Variants in PSMD12 observed in about 807,000 individuals in gnomAD.
The protein encoded by PSMD12 is 26S proteasome non-ATPase regulatory subunit 12.
PSMD12 carries 8 observed loss-of-function variants against 62.9 expected under a neutral mutation model. That is an observed-to-expected ratio of 0.13 (90% CI 0.07 to 0.23). PSMD12 has a LOEUF of 0.23. PSMD12 is among the 10% of genes least tolerant of loss of function. PSMD12 has a pLI of 1.00. For synonymous variants in PSMD12, 173 were observed against 187.4 expected, an observed-to-expected ratio of 0.92 and a Z score of 0.63; for missense variants, 424 against 550.2, an observed-to-expected ratio of 0.77 and a Z score of 2.29.
At chr17:67,347,555 G>A in intron 5 of PSMD12, 70 bp from the exon 6 acceptor site, 2 of 1,410,312 alleles carry the variant, frequency 1.4e-6, no homozygotes, top group Non-Finnish European at 1.9e-6. Context: ...AAATGAAATA[G>A]ATATTAAAAT....
At chr17:67,346,239 C>CA (rs2041964656) in intron 7 of PSMD12, among the ~76,000 whole-genome samples, 1 of 151,384 alleles carries the variant, frequency 6.6e-6, no homozygotes, top group African/African-American at 2.4e-5. Context: ...CTAAAAAATA[C>CA]AAAAAATTGG....
chr17:67,352,254 A>C (rs2042025715), intron 3 of PSMD12, among the ~76,000 whole-genome samples: 1 of 152,030 alleles, frequency 6.6e-6, no homozygotes, highest in African/African-American at 2.4e-5. Flanking sequence ...CACCACACTC[A>C]GCTAATATTT....
At chr17:67,348,239 C>T (rs1339157495) in intron 5 of PSMD12, among the ~76,000 whole-genome samples, 1 of 152,170 alleles carries the variant, frequency 6.6e-6, no homozygotes, top group Non-Finnish European at 1.5e-5. Flanking sequence ...TGCATTCTCA[C>T]CAGTAAGGTA....
chr17:67,347,147 C>T lies in PSMD12; in HGVS notation c.764G>A (p.Cys255Tyr). 6.2e-7 allele frequency: 1 copy of T among 1,611,882 alleles called. No individual in the cohort carries two copies. Among genetic ancestry groups the T allele is most frequent in the South Asian group, 1.1e-5 (1 of 90,910 alleles). ...CCATTTTTCACTTTCTGCCTGTATA[C>T]AGGGAGTATCATATATTGCTCTGTA... ...KHYRAIYDTP[C>Y]IQAESEKWQQ... Residue 255 changes from cysteine (C) to tyrosine (Y), a missense_variant, in exon 7 of 11, where the codon TGT (cysteine) becomes TAT (tyrosine). By Grantham distance (194) the Cys-to-Tyr change is radical. Transcript: ENST00000356126.
rs1397693663 is a variant in PSMD12 at position 67,339,116 on chromosome 17, T to TG, written c.*1726_*1727insC. ...GTTTCTGAACTTTCCAGTTTTGTTT[T>TG]TTTTTTTTTGAGACGGAGTCTCACT... is the stretch of plus-strand genomic sequence containing the variant. On this transcript the variant is annotated 3_prime_UTR_variant, in exon 11 of 11. Transcript: ENST00000356126. The TG allele has an allele frequency of 1.3e-5, 2 of 152,124 alleles. No homozygotes were observed. Among genetic ancestry groups the TG allele is most frequent in the African/African-American group, 4.8e-5 (2 of 41,420 alleles). The allele number at this position is 152,124 out of a possible 1,614,324, so 9.4% of individuals were successfully genotyped here.
chr17:67,364,421 G>T (rs1324609747), intron 1 of PSMD12, among the ~76,000 whole-genome samples: 1 of 152,222 alleles, frequency 6.6e-6, no homozygotes, highest in Non-Finnish European at 1.5e-5. Flanking sequence ...CAGAACAACT[G>T]TAGCAGTGAA....
At chr17:67,346,646 T>C (rs1309848539) in intron 7 of PSMD12, among the ~76,000 whole-genome samples, 3 of 152,196 alleles carry the variant, frequency 2.0e-5, no homozygotes, top group African/African-American at 7.2e-5. Flanking sequence ...TCATAGTGTC[T>C]TTCTATAGTA....
At chr17:67,354,449 C>G (rs887738075) in intron 3 of PSMD12, among the ~76,000 whole-genome samples, 5 of 151,952 alleles carry the variant, frequency 3.3e-5, no homozygotes, top group African/African-American at 1.2e-4. Context: ...AGCAACACCC[C>G]CTACTAGCTC....
Position 67,342,280 on chromosome 17 carries a change from G to C in PSMD12, c.1084-17C>G, listed in dbSNP as rs765385761. ...TCTAATATTCTGGGGAGAGGATAGA[G>C]AGCAGGGAGAACACGTAACATTTGT... On this transcript the variant is annotated splice_polypyrimidine_tract_variant and intron_variant, in intron 9 of 10. Transcript: ENST00000356126. 13 of 1,481,802 alleles carry C rather than the reference G, an allele frequency of 8.8e-6. No individual in the cohort carries two copies. In the African/African-American group the frequency reaches 1.7e-4, roughly 19 times the overall value. 91.8% of individuals were successfully genotyped at this position (1,481,802 alleles called of 1,614,324 possible).
At position 67,347,170 on chromosome 17, in the gene PSMD12, G is replaced by A; in HGVS notation, c.741C>T (p.Tyr247=). The A allele has an allele frequency of 6.2e-7, 1 of 1,613,436 alleles. No homozygotes were observed. Among genetic ancestry groups the A allele is most frequent in the Non-Finnish European group, 8.5e-7 (1 of 1,179,588 alleles). ...EGSYLSICKH[Y]RAIYDTPCIQ... is the part of the protein sequence containing the mutation. The stretch of plus-strand genomic sequence containing the variant: ...TACAGGGAGTATCATATATTGCTCT[G>A]TAGTGCTTACAAATAGACAAATAGG... The change falls in exon 7 of 11, where the codon TAC becomes TAT. Residue 247 remains tyrosine, a synonymous_variant. Transcript: ENST00000356126.
intron 1 of PSMD12, among the ~76,000 whole-genome samples, chr17:67,363,766 G>C (rs561688627): frequency 6.6e-6 from 1 of 152,162 alleles, no homozygotes; most frequent in African/African-American, 2.4e-5. Context: ...AAAATAAAAA[G>C]CAGCTGGGCA....
At chr17:67,351,786 CTTT>C (rs539634008) in intron 3 of PSMD12, among the ~76,000 whole-genome samples, 1 of 143,978 alleles carries the variant, frequency 6.9e-6, no homozygotes. Flanking sequence ...TTATTTCCAC[CTTT>C]TTTTTTTTTT....
intron 3 of PSMD12, among the ~76,000 whole-genome samples, chr17:67,356,047 CT>C (rs2042068037): frequency 6.6e-6 from 1 of 151,838 alleles, no homozygotes; most frequent in Middle Eastern, 3.2e-3. Context: ...ACAGTACATT[CT>C]TTTGGCAGAC....
At position 67,350,259 on chromosome 17, in the gene PSMD12, A is replaced by C; in HGVS notation, c.375T>G (p.Ile125Met). ...CTTCGGTAACCATTCGTAGAGTATCAATTAATCGAAGTTTGATAGGAAGGT... is the reference window on the plus strand; with the variant it reads ...CTTCGGTAACCATTCGTAGAGTATCCATTAATCGAAGTTTGATAGGAAGGT... The part of the protein sequence containing the change: ...ITDLPIKLRL[I>M]DTLRMVTEGK... The change falls in exon 4 of 11, where the codon ATT (isoleucine) becomes ATG (methionine). Residue 125 changes from isoleucine to methionine, a missense_variant. Transcript: ENST00000356126. 3 of 1,612,960 alleles carry C rather than the reference A, an allele frequency of 1.9e-6. No homozygotes were observed. Among genetic ancestry groups the C allele is most frequent in the Non-Finnish European group, 2.5e-6 (3 of 1,179,460 alleles).
chr17:67,343,257 T>C (rs1249883191), intron 9 of PSMD12, among the ~76,000 whole-genome samples: 2 of 152,196 alleles, frequency 1.3e-5, no homozygotes, highest in Non-Finnish European at 2.9e-5. Flanking sequence ...TGTGCTTTTA[T>C]CCTTTAAATC....
At chr17:67,355,093 T>A (rs900378819) in intron 3 of PSMD12, among the ~76,000 whole-genome samples, 171 of 149,174 alleles carry the variant, frequency 1.1e-3, no homozygotes, top group African/African-American at 3.8e-3. Flanking sequence ...TTTTTGGTTT[T>A]TTTTTTTTTT....
chr17:67,359,814 G>A (rs2042113255), intron 1 of PSMD12, among the ~76,000 whole-genome samples: 1 of 151,958 alleles, frequency 6.6e-6, no homozygotes, highest in African/African-American at 2.4e-5. Context: ...AATAAATACT[G>A]GCTAAATGTT....
chr17:67,364,101 A>T (rs958786192), intron 1 of PSMD12, among the ~76,000 whole-genome samples: 1 of 152,124 alleles, frequency 6.6e-6, no homozygotes, highest in African/African-American at 2.4e-5. Context: ...AAATATGTTT[A>T]AAAAAATTAA....
chr17:67,358,602 A>G (rs1296283120), intron 1 of PSMD12, among the ~76,000 whole-genome samples: 2 of 150,694 alleles, frequency 1.3e-5, no homozygotes, highest in Non-Finnish European at 3.0e-5. Context: ...GAAAAAAAAG[A>G]AAAAAAAAGT....
Sources: gnomAD v4.1 joint callset for allele counts (sites outside exome capture counted in the v4.1 genomes callset) on GRCh38, gnomAD v4.1.1 for gene constraint, MANE v1.5 for transcripts, NCBI Gene and HGNC (gene_info 2026-07-23, HGNC 2026-07-21) for gene names.